The following ADGRG1 variants were observed in gnomAD, a reference collection of about 807,000 sequenced individuals.
The protein encoded by ADGRG1 is 7-transmembrane protein with no EGF-like N-terminal domains-1.
A neutral mutation model predicts 73.5 loss-of-function variants in ADGRG1; 53 were observed. The ratio of observed to expected loss-of-function variants is 0.72; its 90% CI spans 0.58 to 0.91. The LOEUF (loss-of-function observed/expected upper bound fraction) is 0.91, where lower values mean the gene tolerates loss of function less well. ADGRG1 is among the 40% of genes least tolerant of loss of function. The probability of loss-of-function intolerance (pLI) is 0.00; values close to 1 mark genes in which losing one functional copy is unlikely to be tolerated. For missense variants in ADGRG1, 795 were observed against 871.8 expected (o/e 0.91, Z 1.11); for synonymous variants, 394 against 374.4 (o/e 1.05, Z -0.60).
At chr16:57,628,376 C>G, upstream of ADGRG1, 1 of 405,792 alleles carries the variant, frequency 2.5e-6, no homozygotes, top group African/African-American at 2.2e-5. Flanking sequence ...CGGCCCCTTC[C>G]TGTCCCTGAA....
intron 12 of ADGRG1, 33 bp downstream of exon 12, chr16:57,660,909 T>G (rs1338896314): frequency 7.9e-7 from 1 of 1,273,418 alleles, no homozygotes; most frequent in Non-Finnish European, 1.1e-6. Context: ...GGCAAGAAGG[T>G]GGGTCTCTGG....
chr16:57,647,389 G>C (rs2042955225), intron 1 of ADGRG1: 4 of 984,338 alleles, frequency 4.1e-6, no homozygotes, highest in South Asian at 4.7e-5. Flanking sequence ...GGGAGGAGGG[G>C]CCTGTGACAG....
At chr16:57,642,533 G>A (rs1318329039) in intron 1 of ADGRG1, 37 of 974,654 alleles carry the variant, frequency 3.8e-5, no homozygotes, top group Non-Finnish European at 4.5e-5. Flanking sequence ...CTACCTTCAC[G>A]TTGGGTTGGG....
chr16:57,661,561 ACAT>A, intron 12 of ADGRG1, 133 bp from the exon 13 acceptor site: 1 of 1,497,648 alleles, frequency 6.7e-7, no homozygotes, highest in Non-Finnish European at 8.9e-7. Flanking sequence ...TTTTAAAATT[ACAT>A]CAACACTGTA....
rs1597581034 is a variant in ADGRG1, at chr16:57,656,672, G to C, written c.1167+55G>C. ...ACACCCCAGGCCGTGTGCTTGTTCT[G>C]TGCAAGCACTTTTCATATATTCAGT... On this transcript the variant is annotated intron_variant, in intron 9 of 13. Coordinates refer to ENST00000562631, the MANE Select transcript of ADGRG1 (RefSeq NM_201525.4). 1.8e-5 allele frequency: 19 copies of C among 1,048,610 alleles called. 1 individual carries two copies. The highest frequency in any genetic ancestry group is 2.6e-5 in the Non-Finnish European group (17 of 663,372). 65.0% of individuals were successfully genotyped at this position (1,048,610 alleles called of 1,614,324 possible).
chr16:57,629,039 TGA>T (rs1555531318), intron 1 of ADGRG1: 2 of 364,182 alleles, frequency 5.5e-6, no homozygotes, highest in Non-Finnish European at 7.1e-6. Context: ...TGTGAGAGTG[TGA>T]GTGAGTGTGT....
At chr16:57,634,580 A>G (rs113327644) in intron 1 of ADGRG1, 20 of 648,898 alleles carry the variant, frequency 3.1e-5, no homozygotes, top group Non-Finnish European at 3.8e-5. Context: ...CGGAGCAGTC[A>G]GTGGTAGCAG....
intron 1 of ADGRG1, chr16:57,639,793 C>A: frequency 1.2e-6 from 1 of 810,988 alleles, no homozygotes; most frequent in Non-Finnish European, 1.5e-6. Context: ...TCGCCTCCTT[C>A]CTCCCCATCC....
intron 1 of ADGRG1, 183 bp from the exon 2 acceptor site, chr16:57,650,070 G>T (rs1256922951): frequency 1.1e-6 from 1 of 941,292 alleles, no homozygotes; most frequent in Non-Finnish European, 1.3e-6. Context: ...AAGTCACCAC[G>T]CCTGGCCTCA....
At chr16:57,646,336 C>T (rs2042626760) in intron 1 of ADGRG1, 1 of 857,514 alleles carries the variant, frequency 1.2e-6, no homozygotes, top group African/African-American at 1.9e-5. Flanking sequence ...AGCTGGAGCC[C>T]TGGGGGTGGG....
chr16:57,652,998 G>C, intron 3 of ADGRG1: 1 of 1,433,804 alleles, frequency 7.0e-7, no homozygotes, highest in Non-Finnish European at 9.1e-7. Context: ...ATTGCTGGCG[G>C]GTTCTGTAAG....
rs1449926682 is a variant in ADGRG1 at position 57,661,774 on chromosome 16, C to G, written c.1742C>G (p.Ala581Gly). 1 of 1,614,234 alleles carries G rather than the reference C, an allele frequency of 6.2e-7. No homozygotes were observed. The change falls in exon 13 of 14, where the codon GCC (alanine) becomes GGC (glycine). Residue 581 changes from alanine (A) to glycine (G), a missense_variant. Coordinates refer to ENST00000562631, the MANE Select transcript of ADGRG1 (RefSeq NM_201525.4). ...AGCCTGGTGTTTCTGTTCAACATGG[C>G]CATGCTAGCCACCATGGTGGTGCAG... ...LFSLVFLFNM[A>G]MLATMVVQIL...
At chr16:57,640,869 T>A in intron 1 of ADGRG1, 3 of 985,368 alleles carry the variant, frequency 3.0e-6, no homozygotes, top group Non-Finnish European at 3.6e-6. Flanking sequence ...CCTGGGGTAG[T>A]TGAACTGCTA....
chr16:57,655,468 CG>C lies in ADGRG1; in HGVS notation c.840del (p.Ser281AlafsTer42). 1 of 1,613,618 alleles carries C rather than the reference CG, an allele frequency of 6.2e-7. No individual in the cohort carries two copies. The highest frequency in any genetic ancestry group is 8.5e-7 in the Non-Finnish European group (1 of 1,179,946). ...PRTLFQRTKG[R>X]SGEAEKRLLL... ...AACACTCTTCCAGAGGACGAAAGGC[CG>C]GAGCGGGGAGGCTGAGAAGAGACTC... On this transcript the variant is annotated frameshift_variant, in exon 6 of 14. Coordinates refer to ENST00000562631, the MANE Select transcript of ADGRG1 (RefSeq NM_201525.4). LOFTEE classifies it high-confidence loss of function.
At chr16:57,649,670 G>A (rs1400200674) in intron 1 of ADGRG1, among the ~76,000 whole-genome samples, 1 of 152,174 alleles carries the variant, frequency 6.6e-6, no homozygotes. Context: ...CTGGGTTCAG[G>A]AGGGAGGTAC....
chr16:57,635,337 C>T, intron 1 of ADGRG1: 1 of 985,314 alleles, frequency 1.0e-6, no homozygotes, highest in Non-Finnish European at 1.2e-6. Flanking sequence ...TGTGTGCACA[C>T]CTAGGGGACC....
chr16:57,626,591 C>G (rs2035875064), upstream of ADGRG1: 1 of 985,316 alleles, frequency 1.0e-6, no homozygotes, highest in South Asian at 4.7e-5. Flanking sequence ...CCAGGCAGCC[C>G]CATAAGCCTC....
At chr16:57,639,082 A>G (rs1247387649) in intron 1 of ADGRG1, among the ~76,000 whole-genome samples, 2 of 152,142 alleles carry the variant, frequency 1.3e-5, no homozygotes, top group Non-Finnish European at 2.9e-5. Flanking sequence ...AAAAAAAAAA[A>G]AAAGATTTGG....
Position 57,653,987 on chromosome 16 carries a change from C to T in ADGRG1, c.622C>T (p.Gln208Ter). The T allele has an allele frequency of 6.2e-7, 1 of 1,613,948 alleles. No individual in the cohort carries two copies. Among genetic ancestry groups the T allele is most frequent in the Non-Finnish European group, 8.5e-7 (1 of 1,180,022 alleles). The change falls in exon 5 of 14, where the codon CAG (glutamine) becomes TAG (stop). Residue 208 changes from glutamine (Q) to a stop codon, truncating the protein, a stop_gained and splice_region_variant. Transcript: ENST00000562631. LOFTEE classifies it high-confidence loss of function. ...CCACCGCTTTCTCCTCCCTGCCAGG[C>T]AGTTGCAGAGCCTGGAGTCGAAACT... The part of the protein sequence containing the change: ...RRPSAAPASQ[Q>*]LQSLESKLTS...
Sources: gnomAD v4.1 joint callset for allele counts (sites outside exome capture counted in the v4.1 genomes callset) on GRCh38, gnomAD v4.1.1 for gene constraint, MANE v1.5 for transcripts, NCBI Gene and HGNC (gene_info 2026-07-23, HGNC 2026-07-21) for gene names.